TCF12: variants seen among roughly 807,000 people sequenced by gnomAD.
TCF12 encodes the protein DNA-binding protein HTF4.
Under a neutral mutation model 86.0 loss-of-function variants are expected in TCF12, and 45 were observed. That is an observed-to-expected ratio of 0.52 (90% CI 0.41 to 0.67). The LOEUF is 0.67. Among genes scored for constraint, TCF12 ranks in the 30% least tolerant of loss-of-function variants. The pLI is 0.00. For missense variants in TCF12, 881 were observed against 859.9 expected, an observed-to-expected ratio of 1.02 and a Z score of -0.31; for synonymous variants, 330 against 299.6, an observed-to-expected ratio of 1.10 and a Z score of -1.05.
At chr15:57,078,980 A>G (rs11071305) in intron 4 of TCF12, among the ~76,000 whole-genome samples, 59,764 of 152,132 alleles carry the variant, frequency 0.39, 14,474 homozygotes, top group Non-Finnish European at 0.54. Flanking sequence ...CTGGTCTTCT[A>G]TATTTGTAAG....
intron 17 of TCF12, among the ~76,000 whole-genome samples, chr15:57,262,894 AG>A (rs2060653419): frequency 1.3e-5 from 2 of 152,332 alleles, no homozygotes; most frequent in South Asian, 4.1e-4. Flanking sequence ...CATGGGGGTC[AG>A]ACTTGTTCTT....
intron 3 of TCF12, among the ~76,000 whole-genome samples, chr15:56,981,402 G>A (rs997406507): frequency 2.0e-5 from 3 of 152,174 alleles, no homozygotes; most frequent in Non-Finnish European, 2.9e-5. Context: ...TGATGGAAGA[G>A]CAGAAGCAAG....
intron 8 of TCF12, among the ~76,000 whole-genome samples, chr15:57,216,571 A>AC (rs1424809214): frequency 6.6e-6 from 1 of 151,762 alleles, no homozygotes; most frequent in African/African-American, 2.4e-5. Context: ...TTTAAAAAAA[A>AC]AAAAAAAAAA....
intron 3 of TCF12, among the ~76,000 whole-genome samples, chr15:57,027,792 T>A (rs1367635023): frequency 3.9e-5 from 6 of 152,146 alleles, no homozygotes; most frequent in Admixed American, 2.0e-4. Flanking sequence ...CTTACTGTTC[T>A]CATGATAGTA....
chr15:57,061,062 G>C (rs2068424859), intron 3 of TCF12, among the ~76,000 whole-genome samples: 1 of 152,124 alleles, frequency 6.6e-6, no homozygotes, highest in South Asian at 2.1e-4. Context: ...TGAGCCCCTT[G>C]TCATTTCCAG....
At chr15:57,185,426 A>C (rs1435035511) in intron 6 of TCF12, among the ~76,000 whole-genome samples, 4 of 152,224 alleles carry the variant, frequency 2.6e-5, no homozygotes, top group Non-Finnish European at 5.9e-5. Flanking sequence ...ATTTAAGAAG[A>C]AGCAAGCACC....
At chr15:56,940,478 T>C (rs539672168) in intron 3 of TCF12, among the ~76,000 whole-genome samples, 64 of 147,974 alleles carry the variant, frequency 4.3e-4, no homozygotes, top group South Asian at 3.9e-3. Flanking sequence ...TTCTTCTTCT[T>C]CTCCTCCTCC....
rs1208891996 is a variant in TCF12 at position 57,097,069 on chromosome 15, A to C, written c.325+5178A>C. ...TGTCTGGGAATTTAAGCCCAAGTAC[A>C]CTTTTTTTCTGTATATTTGGTACCT... On this transcript the variant is annotated intron_variant, in intron 5 of 20. Coordinates refer to ENST00000333725, the MANE Select transcript of TCF12 (RefSeq NM_207037.2). Among the ~76,000 whole-genome samples the C allele has an allele frequency of 2.0e-5, 3 of 152,158 alleles. No individual in the cohort carries two copies. The East Asian group carries it at 5.8e-4, about 29-fold the overall frequency.
rs890314105 is a variant in TCF12 at position 57,067,072 on chromosome 15, A to G, written c.222+3249A>G. ...ATCCCCATTCTTTCAGAATTAGGAA[A>G]AGTCACTCTAGCATGGTTCCAGTCT... is the stretch of plus-strand genomic sequence containing the variant. On this transcript the variant is annotated intron_variant, in intron 4 of 20. Coordinates refer to ENST00000333725, the MANE Select transcript of TCF12 (RefSeq NM_207037.2). Among the ~76,000 whole-genome samples, 7 of 152,302 alleles carry G rather than the reference A, an allele frequency of 4.6e-5. No individual in the cohort carries two copies. In the East Asian group the frequency reaches 1.2e-3, roughly 25 times the overall value.
chr15:57,226,506 A>T (rs1235750792), intron 8 of TCF12, among the ~76,000 whole-genome samples: 3 of 152,172 alleles, frequency 2.0e-5, no homozygotes, highest in Non-Finnish European at 4.4e-5. Flanking sequence ...GATACTGAAC[A>T]TATGGGAACT....
intron 6 of TCF12, among the ~76,000 whole-genome samples, chr15:57,166,845 G>A (rs2054932401): frequency 6.6e-6 from 1 of 152,116 alleles, no homozygotes; most frequent in Non-Finnish European, 1.5e-5. Flanking sequence ...CATTAATATT[G>A]GAAGTATTTT....
intron 5 of TCF12, among the ~76,000 whole-genome samples, chr15:57,125,349 G>A (rs1012936624): frequency 1.3e-5 from 2 of 152,298 alleles, no homozygotes; most frequent in Non-Finnish European, 2.9e-5. Context: ...AGATCCAGCT[G>A]TTAAGCCTGA....
intron 8 of TCF12, among the ~76,000 whole-genome samples, chr15:57,220,544 G>T (rs143998106): frequency 4.6e-5 from 7 of 152,116 alleles, no homozygotes; most frequent in African/African-American, 1.7e-4. Context: ...CTGTACTTCT[G>T]GTTGATTTAT....
chr15:57,250,908 AAAAG>A (rs1230128784), intron 13 of TCF12, among the ~76,000 whole-genome samples: 2 of 151,940 alleles, frequency 1.3e-5, no homozygotes, highest in African/African-American at 4.8e-5. Flanking sequence ...AAAAAAAAGA[AAAAG>A]AAGAAACAAA....
At chr15:57,178,006 C>T (rs2056078399) in intron 6 of TCF12, among the ~76,000 whole-genome samples, 1 of 152,174 alleles carries the variant, frequency 6.6e-6, no homozygotes, top group South Asian at 2.1e-4. Context: ...TCGTTGGAAG[C>T]AGTTTCAGAA....
At position 57,079,425 on chromosome 15, in the gene TCF12, C is replaced by G. The variant is rs543005984; in HGVS notation, c.223-12364C>G. On this transcript the variant is annotated intron_variant, in intron 4 of 20. Transcript: ENST00000333725. ...AAATCCATGAGAATTGCTGGCACTT[C>G]CACATCTCATGCTCACTCCAGGATA... Among the ~76,000 whole-genome samples, 7 of 152,240 alleles carry G rather than the reference C, an allele frequency of 4.6e-5. No individual in the cohort carries two copies. In the South Asian group the frequency reaches 1.5e-3, roughly 32 times the overall value.
intron 3 of TCF12, among the ~76,000 whole-genome samples, chr15:56,926,823 G>A (rs1038963024): frequency 1.3e-5 from 2 of 152,292 alleles, no homozygotes; most frequent in African/African-American, 4.8e-5. Context: ...AATAATAGTC[G>A]TTATCCTTAT....
At position 57,231,251 on chromosome 15, in the gene TCF12, A is replaced by T; in HGVS notation, c.679A>T (p.Met227Leu). Residue 227 changes from methionine (M) to leucine (L), a missense_variant, in exon 9 of 21, where the codon ATG (methionine) becomes TTG (leucine). Physicochemically the swap from Met to Leu is conservative, Grantham distance 15 (BLOSUM62 2). Transcript: ENST00000333725. ...CAGTATGTTCGCTAGCACTTTCTTT[A>T]TGCAAGGTAAGTACTACCAAACAAT... ...PTSMFASTFF[M>L]QDGTHNSSDL... 6.2e-7 allele frequency: 1 copy of T among 1,608,274 alleles called. No individual in the cohort carries two copies. Among genetic ancestry groups the T allele is most frequent in the Middle Eastern group, 1.7e-4 (1 of 6,046 alleles).
intron 6 of TCF12, among the ~76,000 whole-genome samples, chr15:57,180,445 C>CTATATG (rs2056255328): frequency 6.6e-6 from 1 of 152,106 alleles, no homozygotes; most frequent in South Asian, 2.1e-4. Flanking sequence ...AAAAGAAACA[C>CTATATG]GTGGTACTAT....
Sources: allele counts gnomAD v4.1 joint callset (sites outside exome capture counted in the v4.1 genomes callset), GRCh38; gene constraint gnomAD v4.1.1; transcripts MANE v1.5; gene names NCBI Gene and HGNC (gene_info 2026-07-23, HGNC 2026-07-21).